CACNA2D1: variants seen among roughly 807,000 people sequenced by gnomAD.
CACNA2D1 encodes the protein calcium voltage-gated channel auxiliary subunit alpha2delta 1.
CACNA2D1 carries 53 observed loss-of-function variants against 171.5 expected under a neutral mutation model. The observed-to-expected ratio is 0.31, with a 90% CI of 0.25 to 0.39. The LOEUF is 0.39. Ranked by LOEUF, CACNA2D1 falls within the 10% of genes least tolerant of loss-of-function variation. CACNA2D1 has a pLI of 1.00. For missense variants in CACNA2D1, 903 were observed against 1,299.8 expected (o/e 0.69, Z 4.69); for synonymous variants, 442 against 443.1 (o/e 1.00, Z 0.03).
intron 1 of CACNA2D1, among the ~76,000 whole-genome samples, chr7:82,393,340 C>T (rs887302992): frequency 9.2e-5 from 14 of 152,034 alleles, no homozygotes; most frequent in Non-Finnish European, 1.3e-4. Context: ...TGCTCTTGAA[C>T]GTAATGAATA....
chr7:81,990,644 G>C (rs1318007992), intron 21 of CACNA2D1, among the ~76,000 whole-genome samples: 3 of 152,140 alleles, frequency 2.0e-5, no homozygotes, highest in African/African-American at 7.2e-5. Context: ...GAGAGTTAGA[G>C]CAAGAAAGTG....
intron 9 of CACNA2D1, 39 bp downstream of exon 9, chr7:82,064,265 T>C (rs1486368222): frequency 2.2e-6 from 3 of 1,351,330 alleles, no homozygotes; most frequent in African/African-American, 1.4e-5. Flanking sequence ...AATCCTCCCA[T>C]ATTCTCAATA....
chr7:82,221,920 C>G (rs1483177794), intron 3 of CACNA2D1, among the ~76,000 whole-genome samples: 1 of 151,110 alleles, frequency 6.6e-6, no homozygotes, highest in Non-Finnish European at 1.5e-5. Flanking sequence ...AACTGAGCAG[C>G]TTTTGTGACT....
chr7:81,962,628 T>C (rs1248413225), intron 34 of CACNA2D1, 133 bp from the exon 35 acceptor site: 7 of 653,154 alleles, frequency 1.1e-5, no homozygotes, highest in Admixed American at 5.4e-5. Flanking sequence ...ATTTAAGTAT[T>C]TTCAAAATTA....
At chr7:82,149,724 C>G (rs1314025793) in intron 4 of CACNA2D1, among the ~76,000 whole-genome samples, 2 of 150,464 alleles carry the variant, frequency 1.3e-5, no homozygotes, top group African/African-American at 4.9e-5. Flanking sequence ...GTCAGGAGAT[C>G]GAGACCACCC....
At chr7:82,394,810 A>G (rs1825599231) in intron 1 of CACNA2D1, among the ~76,000 whole-genome samples, 1 of 152,176 alleles carries the variant, frequency 6.6e-6, no homozygotes, top group Non-Finnish European at 1.5e-5. Context: ...GCAACTTCAA[A>G]CTTTTATTAG....
At chr7:82,360,248 T>C (rs561493176) in intron 1 of CACNA2D1, among the ~76,000 whole-genome samples, 7 of 152,278 alleles carry the variant, frequency 4.6e-5, no homozygotes, top group Admixed American at 2.6e-4. Flanking sequence ...GTTTCATTGA[T>C]AGAAAGAAAA....
chr7:82,247,282 G>T (rs2129307245), intron 3 of CACNA2D1, among the ~76,000 whole-genome samples: 1 of 152,192 alleles, frequency 6.6e-6, no homozygotes, highest in Non-Finnish European at 1.5e-5. Flanking sequence ...GGCTGAGGCG[G>T]GCAGATCACT....
At chr7:82,396,735 A>C (rs1425228764) in intron 1 of CACNA2D1, among the ~76,000 whole-genome samples, 2 of 152,346 alleles carry the variant, frequency 1.3e-5, no homozygotes, top group South Asian at 4.1e-4. Flanking sequence ...AAATCTAACT[A>C]TAATGAAACC....
intron 20 of CACNA2D1, among the ~76,000 whole-genome samples, chr7:81,992,954 A>G (rs1349943514): frequency 6.6e-6 from 1 of 152,218 alleles, no homozygotes; most frequent in Non-Finnish European, 1.5e-5. Flanking sequence ...CATAATAAAT[A>G]CAAACTATTT....
At position 81,950,135 on chromosome 7, in the gene CACNA2D1, C is replaced by CA; in HGVS notation, c.*256dup. ...TGCAACAACAAACTCCCAAATTTTC[C>CA]AATAGAGGACACGTATAGGATTTTG... On this transcript the variant is annotated 3_prime_UTR_variant, in exon 39 of 39. Coordinates refer to ENST00000356860, the MANE Select transcript of CACNA2D1 (RefSeq NM_000722.4). 2.0e-6 allele frequency: 1 copy of CA among 506,860 alleles called. No homozygotes were observed. The highest frequency in any genetic ancestry group is 3.3e-5 in the East Asian group (1 of 30,346). The allele number at this position is 506,860 out of a possible 1,614,324, so 31.4% of individuals were successfully genotyped here.
At chr7:82,277,793 T>C (rs895737336) in intron 3 of CACNA2D1, among the ~76,000 whole-genome samples, 7 of 146,008 alleles carry the variant, frequency 4.8e-5, no homozygotes, top group Non-Finnish European at 8.9e-5. Flanking sequence ...TCGCTCAGGC[T>C]GGAGTGCAGT....
intron 3 of CACNA2D1, among the ~76,000 whole-genome samples, chr7:82,204,338 A>G (rs1483352079): frequency 6.6e-6 from 1 of 152,190 alleles, no homozygotes; most frequent in Non-Finnish European, 1.5e-5. Flanking sequence ...TACAAAAGTA[A>G]CTAGTTGGTC....
At chr7:81,961,702 T>C (rs1182447026) in intron 36 of CACNA2D1, among the ~76,000 whole-genome samples, 192 bp downstream of exon 36, 3 of 151,962 alleles carry the variant, frequency 2.0e-5, no homozygotes, top group Non-Finnish European at 2.9e-5. Context: ...AAATTACAAA[T>C]TTTAAAAGTC....
At chr7:82,398,875 G>A (rs187564899) in intron 1 of CACNA2D1, among the ~76,000 whole-genome samples, 9 of 150,854 alleles carry the variant, frequency 6.0e-5, no homozygotes, top group African/African-American at 2.0e-4. Flanking sequence ...CACCACACCC[G>A]GCCCCATTCT....
chr7:82,338,285 T>C (rs1395773339), intron 2 of CACNA2D1, among the ~76,000 whole-genome samples: 1 of 152,052 alleles, frequency 6.6e-6, no homozygotes, highest in Non-Finnish European at 1.5e-5. Flanking sequence ...CAAAACTAAA[T>C]ATGCTTCCAA....
chr7:82,398,890 T>G (rs564740851), intron 1 of CACNA2D1, among the ~76,000 whole-genome samples: 188 of 125,328 alleles, frequency 1.5e-3, no homozygotes, highest in African/African-American at 5.7e-3. Context: ...CATTCTCCCC[T>G]TTTTTTTTCC....
chr7:82,005,331 T>A, intron 18 of CACNA2D1, 92 bp downstream of exon 18: 1 of 806,424 alleles, frequency 1.2e-6, no homozygotes, highest in Admixed American at 2.0e-5. Flanking sequence ...TATTTAGTGT[T>A]ATACGGTAAA....
intron 6 of CACNA2D1, among the ~76,000 whole-genome samples, chr7:82,098,932 T>A (rs999630970): frequency 6.6e-6 from 1 of 152,192 alleles, no homozygotes; most frequent in Non-Finnish European, 1.5e-5. Context: ...AATACCAAAA[T>A]GCATATTTCT....
Sources: allele counts gnomAD v4.1 joint callset (sites outside exome capture counted in the v4.1 genomes callset), GRCh38; gene constraint gnomAD v4.1.1; transcripts MANE v1.5; gene names NCBI Gene and HGNC (gene_info 2026-07-23, HGNC 2026-07-21).